Variants in THPO observed in about 807,000 individuals in gnomAD.
THPO encodes MPL ligand.
In THPO, 12 loss-of-function variants were observed where a neutral mutation model predicts 17.0. The ratio of observed to expected loss-of-function variants is 0.71; its 90% CI spans 0.45 to 1.14. The LOEUF (loss-of-function observed/expected upper bound fraction) is 1.14, where lower values mean the gene tolerates loss of function less well. Among genes scored for constraint, THPO ranks in the 50% most tolerant of loss-of-function variants. THPO has a pLI of 0.00. For missense variants in THPO, 365 were observed against 427.5 expected (o/e 0.85, Z 1.29); for synonymous variants, 188 against 183.0 (o/e 1.03, Z -0.22).
In THPO at chr3:184,375,534, C is replaced by T; in HGVS notation, c.209G>A (p.Gly70Glu). 1 of 1,614,098 alleles carries T rather than the reference C, an allele frequency of 6.2e-7. No individual in the cohort carries two copies. The highest frequency in any genetic ancestry group is 8.5e-7 in the Non-Finnish European group (1 of 1,180,020). ...TCTTACCATCTGGGTTTTCCATTCT[C>T]CCAAGCTAAAGTCCACAGCAGGCAG... is the stretch of plus-strand genomic sequence containing the variant. ...VLLPAVDFSL[G>E]EWKTQMEETK... Residue 70 changes from glycine to glutamate, a missense_variant, in exon 4 of 6, where the codon GGA becomes GAA. Transcript: ENST00000647395.
chr3:184,373,815 G>A (rs1315481997), intron 4 of THPO, among the ~76,000 whole-genome samples: 1 of 152,212 alleles, frequency 6.6e-6, no homozygotes, highest in Non-Finnish European at 1.5e-5. Context: ...TGGTTTCAGT[G>A]AGAAGAGCTC....
chr3:184,376,438 A>G (rs571721914), intron 1 of THPO, 34 bp from the exon 2 acceptor site: 2 of 1,501,310 alleles, frequency 1.3e-6, no homozygotes, highest in Non-Finnish European at 1.8e-6. Context: ...CATTTAACCA[A>G]GTTTCTAGGA....
chr3:184,374,274 T>C (rs1385906289), intron 4 of THPO, among the ~76,000 whole-genome samples: 2 of 152,172 alleles, frequency 1.3e-5, no homozygotes, highest in Non-Finnish European at 2.9e-5. Context: ...GACTCTACCA[T>C]AATGATCATA....
At position 184,372,722 on chromosome 3, in the gene THPO, G is replaced by T; in HGVS notation, c.853C>A (p.Pro285Thr). Residue 285 changes from proline (P) to threonine (T), a missense_variant, in exon 6 of 6, where the codon CCA becomes ACA. By Grantham distance (38) the Pro-to-Thr change is conservative. Coordinates refer to ENST00000647395, the MANE Select transcript of THPO (RefSeq NM_000460.4). Reference protein sequence around the residue: ...SSGTSDTGSLPPNLQPGYSPS... With the variant: ...SSGTSDTGSLTPNLQPGYSPS... ...GAATATCCAGGCTGGAGGTTGGGTGGCAGGGAGCCTGTGTCTGATGTTCCT... is the reference window on the plus strand; with the variant it reads ...GAATATCCAGGCTGGAGGTTGGGTGTCAGGGAGCCTGTGTCTGATGTTCCT... The T allele has an allele frequency of 2.5e-6, 4 of 1,613,810 alleles. No homozygotes were observed. The highest frequency in any genetic ancestry group is 3.4e-6 in the Non-Finnish European group (4 of 1,179,736).
At chr3:184,374,715 G>C (rs1028232557) in intron 4 of THPO, among the ~76,000 whole-genome samples, 5 of 152,222 alleles carry the variant, frequency 3.3e-5, no homozygotes, top group African/African-American at 1.2e-4. Flanking sequence ...AGGGCCAGAG[G>C]CTTAAATGAT....
chr3:184,372,189 C>A lies in THPO; in HGVS notation c.*324G>T. ...CTCAAGGTTAGTCTCTCCCTCTGTTCAACTGCCAGGCCAGCCCAGGCCTTT... is the reference window on the plus strand; with the variant it reads ...CTCAAGGTTAGTCTCTCCCTCTGTTAAACTGCCAGGCCAGCCCAGGCCTTT... On this transcript the variant is annotated 3_prime_UTR_variant, in exon 6 of 6. Transcript: ENST00000647395. The A allele has an allele frequency of 3.2e-6, 1 of 316,734 alleles. No homozygotes were observed. The allele number at this position is 316,734 out of a possible 1,614,324, so 19.6% of individuals were successfully genotyped here.
At chr3:184,377,283 AC>A (rs1714499746) in intron 1 of THPO, among the ~76,000 whole-genome samples, 1 of 152,086 alleles carries the variant, frequency 6.6e-6, no homozygotes, top group Non-Finnish European at 1.5e-5. Context: ...TTCCCTATCT[AC>A]CCCCACACAT....
chr3:184,376,381 C>A lies in THPO; in HGVS notation c.-122G>T. On this transcript the variant is annotated 5_prime_UTR_variant, in exon 2 of 6. Transcript: ENST00000647395. ...TGGGCAGAGTAGGGTGGGGCAAAGG[C>A]GGGCCAAGGGTGAAGAATCTATCCT... is the stretch of plus-strand genomic sequence containing the variant. 3 of 1,608,444 alleles carry A rather than the reference C, an allele frequency of 1.9e-6. No homozygotes were observed. The highest frequency in any genetic ancestry group is 2.5e-6 in the Non-Finnish European group (3 of 1,178,260).
At position 184,372,400 on chromosome 3, in the gene THPO, G is replaced by A; in HGVS notation, c.*113C>T. 1 of 1,306,622 alleles carries A rather than the reference G, an allele frequency of 7.7e-7. No individual in the cohort carries two copies. Among genetic ancestry groups the A allele is most frequent in the Non-Finnish European group, 1.1e-6 (1 of 904,214 alleles). 80.9% of individuals were successfully genotyped at this position (1,306,622 alleles called of 1,614,324 possible). A position where few individuals can be genotyped will look rare whatever the true frequency, so the allele number is the denominator to read the frequency against. On this transcript the variant is annotated 3_prime_UTR_variant, in exon 6 of 6. Coordinates refer to ENST00000647395, the MANE Select transcript of THPO (RefSeq NM_000460.4). ...AGTCCTGTGTATCCCTTTTACCAGGGCTTTGGGTTTCAGGAGAAAGTAGGA... is the reference window on the plus strand; with the variant it reads ...AGTCCTGTGTATCCCTTTTACCAGGACTTTGGGTTTCAGGAGAAAGTAGGA...
rs200752931 is a variant in THPO, at chr3:184,375,607, G to C, written c.142-6C>G. The C allele has an allele frequency of 4.0e-5, 64 of 1,614,100 alleles. No homozygotes were observed. In the South Asian group the frequency reaches 6.1e-4, roughly 16 times the overall value. On this transcript the variant is annotated splice_polypyrimidine_tract_variant and splice_region_variant and intron_variant, in intron 3 of 5. Coordinates refer to ENST00000647395, the MANE Select transcript of THPO (RefSeq NM_000460.4). ...TGAACCTCTGGGCACTGGCTCTGTT[G>C]AAAAAGATTGGTGGGGGGAGAAGGG... is the stretch of plus-strand genomic sequence containing the variant.
At chr3:184,376,118 C>T (rs1042652577) in intron 2 of THPO, 103 bp from the exon 3 acceptor site, 14 of 1,612,078 alleles carry the variant, frequency 8.7e-6, no homozygotes, top group Admixed American at 5.0e-5. Flanking sequence ...CCAGGGAATC[C>T]ACCCCTCAGA....
chr3:184,376,101 C>G, intron 2 of THPO, 86 bp from the exon 3 acceptor site: 4 of 1,613,060 alleles, frequency 2.5e-6, no homozygotes, highest in South Asian at 1.1e-5. Flanking sequence ...GGACCCAGAC[C>G]TGAAACCCAG....
At position 184,376,251 on chromosome 3, in the gene THPO, C is replaced by T. The variant is rs577831346; in HGVS notation, c.9G>A (p.Leu3=). ME[L]TELLLVVMLL... The stretch of plus-strand genomic sequence containing the variant: ...GCCCCTCAGGTGTGTTCTCACCAGT[C>T]AGCTCCATTCTGGCCGGGGTGTCTG... The change falls in exon 2 of 6, where the codon CTG becomes CTA. Residue 3 remains leucine (L), a synonymous_variant. Transcript: ENST00000647395. The T allele has an allele frequency of 1.5e-5, 25 of 1,614,188 alleles. No individual in the cohort carries two copies. The East Asian group carries it at 4.9e-4, about 32-fold the overall frequency.
Position 184,373,593 on chromosome 3 carries a change from G to C in THPO, c.229-11C>G. The C allele has an allele frequency of 1.9e-6, 3 of 1,613,516 alleles. No homozygotes were observed. The highest frequency in any genetic ancestry group is 2.5e-6 in the Non-Finnish European group (3 of 1,179,852). On this transcript the variant is annotated splice_polypyrimidine_tract_variant and intron_variant, in intron 4 of 5. Coordinates refer to ENST00000647395, the MANE Select transcript of THPO (RefSeq NM_000460.4). Reference sequence around the variant, plus strand: ...TGCCTTGGTCTCCTCCTGAGAAAGAGATGGAAGAGAGAAGCGCACTGCCTC... The same window carrying C: ...TGCCTTGGTCTCCTCCTGAGAAAGACATGGAAGAGAGAAGCGCACTGCCTC...
In THPO at chr3:184,375,568, G is replaced by A. The variant is rs1047355584; in HGVS notation, c.175C>T (p.Pro59Ser). ...QCPEVHPLPT[P>S]VLLPAVDFSL... The stretch of plus-strand genomic sequence containing the variant: ...AAGTCCACAGCAGGCAGCAGGACAG[G>A]TGTAGGCAAAGGGTGAACCTCTGGG... Residue 59 changes from proline to serine, a missense_variant, in exon 4 of 6, where the codon CCT (proline) becomes TCT (serine). By Grantham distance (74) the Pro-to-Ser change is moderately conservative. Transcript: ENST00000647395. 17 of 1,614,164 alleles carry A rather than the reference G, an allele frequency of 1.1e-5. No homozygotes were observed. The highest frequency in any genetic ancestry group is 1.4e-5 in the Non-Finnish European group (17 of 1,180,022).
rs997152227 is a variant in THPO at position 184,372,496 on chromosome 3, G to A, written c.*17C>T. 6.8e-6 allele frequency: 11 copies of A among 1,613,842 alleles called. No individual in the cohort carries two copies. Among genetic ancestry groups the A allele is most frequent in the East Asian group, 4.5e-5 (2 of 44,878 alleles). ...CTGTACACGAGACAATGCTGATGTC[G>A]GCAGTGTCTGAGAACCTTACCCTTC... On this transcript the variant is annotated 3_prime_UTR_variant, in exon 6 of 6. Transcript: ENST00000647395.
At chr3:184,379,030 G>A (rs769304772), upstream of THPO, among the ~76,000 whole-genome samples, 10 of 152,000 alleles carry the variant, frequency 6.6e-5, no homozygotes, top group Non-Finnish European at 1.5e-4. Flanking sequence ...CACAGTCTCT[G>A]TCCTCAGGGG....
chr3:184,375,649 G>C (rs2108622764), intron 3 of THPO, 48 bp from the exon 4 acceptor site: 1 of 1,593,294 alleles, frequency 6.3e-7, no homozygotes, highest in South Asian at 1.1e-5. Flanking sequence ...AATAGAGAGA[G>C]CTATGGTAGC....
chr3:184,377,005 G>A (rs1714474534), intron 1 of THPO, among the ~76,000 whole-genome samples: 1 of 152,126 alleles, frequency 6.6e-6, no homozygotes, highest in South Asian at 2.1e-4. Context: ...ATCTTAATTA[G>A]CCTTAAATTC....
Sources: allele counts gnomAD v4.1 joint callset (sites outside exome capture counted in the v4.1 genomes callset), GRCh38; gene constraint gnomAD v4.1.1; transcripts MANE v1.5; gene names NCBI Gene and HGNC (gene_info 2026-07-23, HGNC 2026-07-21).